REST: variants seen among roughly 807,000 people sequenced by gnomAD.
REST encodes RE1 silencing transcription factor, also known as RE1-silencing transcription factor.
REST carries 1 observed loss-of-function variant against 30.4 expected under a neutral mutation model. The ratio of observed to expected loss-of-function variants is 0.03; its 90% CI spans 0.01 to 0.16. REST has a LOEUF of 0.16. Among genes scored for constraint, REST ranks in the 10% least tolerant of loss-of-function variants. The probability of loss-of-function intolerance (pLI) is 1.00; values close to 1 mark genes in which losing one functional copy is unlikely to be tolerated. For synonymous variants in REST, 504 were observed against 451.1 expected, an observed-to-expected ratio of 1.12 and a Z score of -1.49; for missense variants, 1,259 against 1,329.5, an observed-to-expected ratio of 0.95 and a Z score of 0.82.
chr4:56,915,646 C>G (rs952472817), intron 2 of REST, among the ~76,000 whole-genome samples: 1 of 152,016 alleles, frequency 6.6e-6, no homozygotes, highest in African/African-American at 2.4e-5. Flanking sequence ...ATGGATAGTT[C>G]TGAAAATTAT....
chr4:56,913,078 G>A (rs979854926), intron 2 of REST, among the ~76,000 whole-genome samples: 3 of 152,088 alleles, frequency 2.0e-5, no homozygotes, highest in Non-Finnish European at 2.9e-5. Context: ...GATTATAGGC[G>A]TGAGCCACTG....
In REST at chr4:56,908,017, G is replaced by T; in HGVS notation, c.-206G>T. The T allele has an allele frequency of 5.5e-6, 2 of 361,106 alleles. No individual in the cohort carries two copies. The highest frequency in any genetic ancestry group is 9.9e-6 in the Non-Finnish European group (2 of 201,942). 22.4% of individuals were successfully genotyped at this position (361,106 alleles called of 1,614,324 possible). ...GACCCTGGCGGCGGCTGCCGCAGCC[G>T]AGACGGCAGGGCGAGGCCCGGAGGC... On this transcript the variant is annotated 5_prime_UTR_variant, in exon 1 of 4. An upstream open reading frame in the 5' UTR gains an earlier in-frame stop. Coordinates refer to ENST00000309042, the MANE Select transcript of REST (RefSeq NM_005612.5).
At chr4:56,920,167 C>A (rs1720381318) in intron 3 of REST, among the ~76,000 whole-genome samples, 1 of 151,948 alleles carries the variant, frequency 6.6e-6, no homozygotes, top group African/African-American at 2.4e-5. Context: ...TAGACCAAGA[C>A]TGATTGATCT....
At position 56,911,249 on chromosome 4, in the gene REST, C is replaced by G. The variant is rs1173681874; in HGVS notation, c.611C>G (p.Ser204Cys). 6.2e-7 allele frequency: 1 copy of G among 1,614,170 alleles called. No homozygotes were observed. The highest frequency in any genetic ancestry group is 2.2e-5 in the East Asian group (1 of 44,874). Residue 204 changes from serine to cysteine, a missense_variant, in exon 2 of 4, where the codon TCC becomes TGC. By Grantham distance (112) the Ser-to-Cys change is moderately radical (BLOSUM62 -1). Coordinates refer to ENST00000309042, the MANE Select transcript of REST (RefSeq NM_005612.5). ...KQAKARESGS[S>C]TAEEGDFSKG... ...GCAAAAGCCAGGGAATCTGGCTCTTCCACTGCAGAAGAGGGAGATTTCTCC... is the reference window on the plus strand; with the variant it reads ...GCAAAAGCCAGGGAATCTGGCTCTTGCACTGCAGAAGAGGGAGATTTCTCC...
At position 56,911,441 on chromosome 4, in the gene REST, G is replaced by T; in HGVS notation, c.803G>T (p.Arg268Ile). The part of the protein sequence containing the change: ...VSEYHWRKHL[R>I]NHFPRKVYTC... ...GAGTATCACTGGAGGAAACATTTAAGAAACCATTTTCCAAGGAAAGTATAC... is the reference window on the plus strand; with the variant it reads ...GAGTATCACTGGAGGAAACATTTAATAAACCATTTTCCAAGGAAAGTATAC... The change falls in exon 2 of 4, where the codon AGA becomes ATA. Residue 268 changes from arginine (R) to isoleucine (I), a missense_variant. Around this residue, in one of 5 missense-constraint regions of REST, gnomAD observed 125 missense variants for 255.4 expected, o/e 0.49. Transcript: ENST00000309042. The T allele has an allele frequency of 6.2e-7, 1 of 1,614,178 alleles. No homozygotes were observed. Among genetic ancestry groups the T allele is most frequent in the African/African-American group, 1.3e-5 (1 of 75,038 alleles).
intron 1 of REST, chr4:56,909,478 A>G (rs1719796205): frequency 6.6e-6 from 1 of 152,214 alleles, no homozygotes. Flanking sequence ...TTAGGGAGCA[A>G]TTAGAAAAGT....
At chr4:56,918,354 C>T (rs1720300654) in intron 2 of REST, among the ~76,000 whole-genome samples, 1 of 151,268 alleles carries the variant, frequency 6.6e-6, no homozygotes. Flanking sequence ...ATTAGCTGGG[C>T]TTGGTGGCAC....
At position 56,931,992 on chromosome 4, in the gene REST, A is replaced by G. The variant is rs768815266; in HGVS notation, c.3134A>G (p.Lys1045Arg). The G allele has an allele frequency of 2.5e-6, 4 of 1,614,228 alleles. No homozygotes were observed. Among genetic ancestry groups the G allele is most frequent in the Admixed American group, 3.3e-5 (2 of 60,030 alleles). ...ARPVPQESSRKNAKEALAVKA... is the reference protein window; with the variant it reads ...ARPVPQESSRRNAKEALAVKA... Reference sequence around the variant, plus strand: ...CCAGTTCCACAAGAATCTAGCAGAAAAAATGCAAAGGAAGCCTTGGCAGTC... The same window carrying G: ...CCAGTTCCACAAGAATCTAGCAGAAGAAATGCAAAGGAAGCCTTGGCAGTC... Residue 1045 changes from lysine (K) to arginine (R), a missense_variant, in exon 4 of 4, where the codon AAA becomes AGA. Around this residue, in one of 5 missense-constraint regions of REST, gnomAD observed 856 missense variants for 772.8 expected, o/e 1.11. Transcript: ENST00000309042.
At chr4:56,915,460 G>C (rs1720153212) in intron 2 of REST, among the ~76,000 whole-genome samples, 1 of 151,844 alleles carries the variant, frequency 6.6e-6, no homozygotes, top group Admixed American at 6.6e-5. Context: ...ATGTTGGCCA[G>C]GCTGGTCTCG....
In REST at chr4:56,931,781, C is replaced by A. The variant is rs760563478; in HGVS notation, c.2923C>A (p.Pro975Thr). The stretch of plus-strand genomic sequence containing the variant: ...TGAAGAACCAGTTTCACCAATGCTT[C>A]CCCCTTCAGCAGTAGAAGAACGTGA... ...TVEEPVSPMLPPSAVEEREAV... is the reference protein window; with the variant it reads ...TVEEPVSPMLTPSAVEEREAV... Residue 975 changes from proline to threonine, a missense_variant, in exon 4 of 4, where the codon CCC becomes ACC. Around this residue, in one of 5 missense-constraint regions of REST, gnomAD observed 856 missense variants for 772.8 expected, o/e 1.11. Coordinates refer to ENST00000309042, the MANE Select transcript of REST (RefSeq NM_005612.5). 1 of 1,614,238 alleles carries A rather than the reference C, an allele frequency of 6.2e-7. No homozygotes were observed. Among genetic ancestry groups the A allele is most frequent in the South Asian group, 1.1e-5 (1 of 91,086 alleles).
At chr4:56,927,717 G>A in intron 3 of REST, 4 of 890,022 alleles carry the variant, frequency 4.5e-6, no homozygotes, top group Non-Finnish European at 6.0e-6. Context: ...TGGGGGTGGG[G>A]GTTCTGGTTT....
At chr4:56,928,306 C>T (rs975402294) in intron 3 of REST, among the ~76,000 whole-genome samples, 2 of 152,122 alleles carry the variant, frequency 1.3e-5, no homozygotes, top group African/African-American at 4.8e-5. Context: ...CAGGGTTTCA[C>T]CATGTTGGCC....
intron 2 of REST, among the ~76,000 whole-genome samples, chr4:56,915,677 G>T (rs77870397): frequency 0.01 from 1,541 of 152,244 alleles, 21 homozygotes; most frequent in African/African-American, 0.036. Context: ...CTCATCTGGT[G>T]CGGAAGAGTA....
At chr4:56,909,854 G>GTTT (rs1262362230) in intron 1 of REST, among the ~76,000 whole-genome samples, 1 of 152,226 alleles carries the variant, frequency 6.6e-6, no homozygotes, top group Non-Finnish European at 1.5e-5. Context: ...TGATTGTCGA[G>GTTT]TTGAGTTGCA....
intron 2 of REST, among the ~76,000 whole-genome samples, chr4:56,915,867 A>G (rs536319887): frequency 2.8e-4 from 43 of 152,282 alleles, no homozygotes; most frequent in African/African-American, 1.0e-3. Context: ...AGCATCTGTG[A>G]TGATAGTTCA....
At chr4:56,914,589 A>G (rs1000846470) in intron 2 of REST, among the ~76,000 whole-genome samples, 2 of 152,218 alleles carry the variant, frequency 1.3e-5, no homozygotes, top group African/African-American at 4.8e-5. Context: ...TTTGAATTAG[A>G]CAGACTGTTA....
chr4:56,933,713 C>A lies in REST; in HGVS notation c.*1561C>A, dbSNP rs1220558637. The A allele has an allele frequency of 6.6e-6, 1 of 152,022 alleles. No homozygotes were observed. Among genetic ancestry groups the A allele is most frequent in the African/African-American group, 2.4e-5 (1 of 41,382 alleles). The allele number at this position is 152,022 out of a possible 1,614,324, so 9.4% of individuals were successfully genotyped here. A position where few individuals can be genotyped will look rare whatever the true frequency, so the allele number is the denominator to read the frequency against. On this transcript the variant is annotated 3_prime_UTR_variant, in exon 4 of 4. Coordinates refer to ENST00000309042, the MANE Select transcript of REST (RefSeq NM_005612.5). ...TTTTTGTAGGTTCTTTGGCCAGTTGCCAAAGAGTGTGAAAGAATCCAATAG... is the reference window on the plus strand; with the variant it reads ...TTTTTGTAGGTTCTTTGGCCAGTTGACAAAGAGTGTGAAAGAATCCAATAG...
At chr4:56,916,170 G>A (rs559902380) in intron 2 of REST, among the ~76,000 whole-genome samples, 25 of 152,204 alleles carry the variant, frequency 1.6e-4, no homozygotes, top group African/African-American at 6.0e-4. Flanking sequence ...CAAAAGGGTG[G>A]GGGGAGCTGG....
intron 2 of REST, among the ~76,000 whole-genome samples, chr4:56,914,968 A>G (rs1342629118): frequency 8.3e-6 from 1 of 120,848 alleles, no homozygotes; most frequent in Admixed American, 1.1e-4. Context: ...CTTGTCGCCC[A>G]GGGTGGAGTG....
Sources: gnomAD v4.1 joint callset for allele counts (sites outside exome capture counted in the v4.1 genomes callset) on GRCh38, gnomAD v4.1.1 for gene constraint, gnomAD v4.1.1 regional missense constraint, MANE v1.5 for transcripts, NCBI Gene and HGNC (gene_info 2026-07-23, HGNC 2026-07-21) for gene names.